Variants in NTNG1 observed in about 807,000 individuals in gnomAD.
The protein encoded by NTNG1 is netrin-G1.
A neutral mutation model predicts 54.0 loss-of-function variants in NTNG1; 16 were observed. The ratio of observed to expected loss-of-function variants is 0.30; its 90% CI spans 0.20 to 0.45. The LOEUF is 0.45. NTNG1 is among the 20% of genes least tolerant of loss of function. The probability of loss-of-function intolerance (pLI) is 1.00; values close to 1 mark genes in which losing one functional copy is unlikely to be tolerated. For missense variants in NTNG1, 530 were observed against 678.7 expected (o/e 0.78, Z 2.43); for synonymous variants, 255 against 263.1 (o/e 0.97, Z 0.30).
intron 2 of NTNG1, among the ~76,000 whole-genome samples, chr1:107,244,410 C>T (rs531492970): frequency 2.0e-5 from 3 of 152,290 alleles, no homozygotes; most frequent in Non-Finnish European, 2.9e-5. Flanking sequence ...AAATGTGCCA[C>T]GTGAGGTATC....
At chr1:107,151,822 A>T (rs1654590096) in intron 2 of NTNG1, among the ~76,000 whole-genome samples, 1 of 152,140 alleles carries the variant, frequency 6.6e-6, no homozygotes, top group Non-Finnish European at 1.5e-5. Context: ...TCCATTTAAC[A>T]ATAGATCTCT....
chr1:107,329,172 C>T (rs947480669), intron 3 of NTNG1, among the ~76,000 whole-genome samples: 3 of 152,094 alleles, frequency 2.0e-5, no homozygotes, highest in African/African-American at 7.2e-5. Flanking sequence ...AATATTAGCA[C>T]AGAAGTTTCA....
intron 7 of NTNG1, 78 bp from the exon 8 acceptor site, chr1:107,480,533 A>C: frequency 1.2e-6 from 1 of 836,372 alleles, no homozygotes; most frequent in Non-Finnish European, 1.9e-6. Context: ...TGAAAACATG[A>C]TGTACCAGAT....
intron 2 of NTNG1, among the ~76,000 whole-genome samples, chr1:107,201,893 A>G (rs968755699): frequency 2.0e-5 from 3 of 151,772 alleles, no homozygotes; most frequent in Non-Finnish European, 4.4e-5. Context: ...AATGCTACTT[A>G]CTCCATGAAA....
At chr1:107,354,768 G>A (rs1010434061) in intron 3 of NTNG1, among the ~76,000 whole-genome samples, 8 of 152,092 alleles carry the variant, frequency 5.3e-5, no homozygotes, top group African/African-American at 1.9e-4. Context: ...TGGCCTGCAC[G>A]CTTCCTCATC....
At chr1:107,392,797 A>C (rs1374288681) in intron 3 of NTNG1, among the ~76,000 whole-genome samples, 1 of 152,116 alleles carries the variant, frequency 6.6e-6, no homozygotes, top group East Asian at 1.9e-4. Flanking sequence ...AGGCTTGTGC[A>C]ATGAGTGAGA....
intron 3 of NTNG1, among the ~76,000 whole-genome samples, chr1:107,339,670 G>C (rs1668787431): frequency 6.6e-6 from 1 of 152,018 alleles, no homozygotes; most frequent in African/African-American, 2.4e-5. Context: ...ACAATTGGTA[G>C]GAATATAAAG....
chr1:107,417,626 G>A (rs1416875732), intron 5 of NTNG1, among the ~76,000 whole-genome samples: 1 of 152,008 alleles, frequency 6.6e-6, no homozygotes, highest in Non-Finnish European at 1.5e-5. Flanking sequence ...CAGGAACACT[G>A]GAAGTAACAG....
chr1:107,143,247 GT>G (rs1653867301), intron 1 of NTNG1: 1 of 152,030 alleles, frequency 6.6e-6, no homozygotes, highest in South Asian at 2.1e-4. Context: ...CATAAAGCTG[GT>G]TTCCTGTTAA....
At chr1:107,466,059 C>G (rs1206582702) in intron 7 of NTNG1, among the ~76,000 whole-genome samples, 1 of 152,068 alleles carries the variant, frequency 6.6e-6, no homozygotes, top group African/African-American at 2.4e-5. Flanking sequence ...TCTGAACACA[C>G]TGTTGGGAGG....
intron 2 of NTNG1, among the ~76,000 whole-genome samples, chr1:107,171,147 T>G (rs1656205479): frequency 6.6e-6 from 1 of 152,180 alleles, no homozygotes; most frequent in African/African-American, 2.4e-5. Context: ...TTTTTAATAT[T>G]TAAAAATATT....
At chr1:107,432,842 T>C (rs1675356229) in intron 6 of NTNG1, among the ~76,000 whole-genome samples, 2 of 152,150 alleles carry the variant, frequency 1.3e-5, no homozygotes, top group Admixed American at 1.3e-4. Flanking sequence ...CAATATATTT[T>C]ATTCAGAGTA....
At chr1:107,197,973 C>A (rs1423519238) in intron 2 of NTNG1, among the ~76,000 whole-genome samples, 1 of 151,940 alleles carries the variant, frequency 6.6e-6, no homozygotes, top group Admixed American at 6.6e-5. Context: ...TATGATAATG[C>A]ACATTTTTTT....
intron 2 of NTNG1, among the ~76,000 whole-genome samples, chr1:107,217,925 T>G (rs1660081369): frequency 6.6e-6 from 1 of 152,182 alleles, no homozygotes; most frequent in African/African-American, 2.4e-5. Context: ...ATTCTCCAGT[T>G]GTTGGGCAGA....
chr1:107,477,470 T>G (rs1229975420), intron 7 of NTNG1, among the ~76,000 whole-genome samples: 1 of 152,224 alleles, frequency 6.6e-6, no homozygotes, highest in East Asian at 1.9e-4. Context: ...CTTGCAGAGT[T>G]CTGGCCTCAA....
rs980157470 is a variant in NTNG1, at chr1:107,299,621, C to T, written c.247-24661C>T. ...GAAGCTTAAGTAATGTGTCCAGTAT[C>T]TCACAGCTAGTAAGCAGCAGAGCCA... is the stretch of plus-strand genomic sequence containing the variant. On this transcript the variant is annotated intron_variant, in intron 2 of 7. Coordinates refer to ENST00000370068, the MANE Select transcript of NTNG1 (RefSeq NM_001113226.3). Among the ~76,000 whole-genome samples, 3 of 152,164 alleles carry T rather than the reference C, an allele frequency of 2.0e-5. No individual in the cohort carries two copies. In the East Asian group the frequency reaches 5.8e-4, roughly 29 times the overall value.
intron 2 of NTNG1, among the ~76,000 whole-genome samples, chr1:107,268,308 A>G (rs1336457492): frequency 2.0e-5 from 3 of 152,078 alleles, no homozygotes; most frequent in Non-Finnish European, 4.4e-5. Context: ...CACCACTGTA[A>G]CAAATATAAT....
chr1:107,217,639 G>C (rs1344194433), intron 2 of NTNG1, among the ~76,000 whole-genome samples: 1 of 152,100 alleles, frequency 6.6e-6, no homozygotes, highest in Non-Finnish European at 1.5e-5. Flanking sequence ...CAGAGGTTTT[G>C]ATAGGTTATA....
At position 107,147,787 on chromosome 1, in the gene NTNG1, A is replaced by G. The variant is rs76555008; in HGVS notation, c.-525-282A>G. Reference sequence around the variant, plus strand: ...TGTTCAAATCTAGCTGCTTGCTCTCAGTTTTGTCAAGATGGAAATATAATT... The same window carrying G: ...TGTTCAAATCTAGCTGCTTGCTCTCGGTTTTGTCAAGATGGAAATATAATT... On this transcript the variant is annotated intron_variant, in intron 1 of 7. Coordinates refer to ENST00000370068, the MANE Select transcript of NTNG1 (RefSeq NM_001113226.3). 7.2e-5 allele frequency among the ~76,000 whole-genome samples: 11 copies of G among 152,274 alleles called. No homozygotes were observed. In the East Asian group the frequency reaches 2.1e-3, roughly 29 times the overall value.
Sources: allele counts gnomAD v4.1 joint callset (sites outside exome capture counted in the v4.1 genomes callset), GRCh38; gene constraint gnomAD v4.1.1; transcripts MANE v1.5; gene names NCBI Gene and HGNC (gene_info 2026-07-23, HGNC 2026-07-21).